Variants in MEGF10 observed in about 807,000 individuals in gnomAD.
The protein encoded by MEGF10 is multiple EGF like domains 10.
MEGF10 carries 86 observed loss-of-function variants against 147.5 expected under a neutral mutation model. The ratio of observed to expected loss-of-function variants is 0.58; its 90% confidence interval spans 0.49 to 0.70. The LOEUF is 0.70. Ranked by LOEUF, MEGF10 falls within the 30% of genes least tolerant of loss-of-function variation. The pLI, the probability that MEGF10 is intolerant of heterozygous loss-of-function variation, is 0.00. For synonymous variants in MEGF10, 478 were observed against 525.5 expected (o/e 0.91, Z 1.24); for missense variants, 1,329 against 1,487.3 (o/e 0.89, Z 1.75).
At chr5:127,443,293 G>C (rs1454328562) in intron 19 of MEGF10, among the ~76,000 whole-genome samples, 167 bp downstream of exon 19, 6 of 152,158 alleles carry the variant, frequency 3.9e-5, no homozygotes, top group African/African-American at 1.4e-4. Context: ...TATTGTTGCT[G>C]TCCTGCAGAT....
chr5:127,292,886 T>C (rs926828814), intron 1 of MEGF10, among the ~76,000 whole-genome samples: 4 of 127,302 alleles, frequency 3.1e-5, no homozygotes, highest in African/African-American at 1.0e-4. Flanking sequence ...TATGCATGAG[T>C]ATTGGCTTTA....
At chr5:127,280,970 T>C in the MEGF10 span, among the ~76,000 whole-genome samples, 1 of 152,106 alleles carries the variant, frequency 6.6e-6, no homozygotes, top group Non-Finnish European at 1.5e-5. Context: ...GGGCTTTGAA[T>C]TGGAACCTGG....
At chr5:127,308,940 T>C (rs72786459) in intron 1 of MEGF10, among the ~76,000 whole-genome samples, 8,276 of 151,998 alleles carry the variant, frequency 0.054, 253 homozygotes, top group Non-Finnish European at 0.068. Flanking sequence ...GTTAAATTGC[T>C]CTATTTTGGT....
chr5:127,349,892 C>G (rs1402860671), intron 4 of MEGF10, among the ~76,000 whole-genome samples: 1 of 152,058 alleles, frequency 6.6e-6, no homozygotes, highest in Non-Finnish European at 1.5e-5. Context: ...GTTGGCTACT[C>G]TGATTGATTA....
intron 7 of MEGF10, 137 bp downstream of exon 7, chr5:127,398,933 C>T: frequency 8.3e-7 from 1 of 1,210,002 alleles, no homozygotes; most frequent in Non-Finnish European, 1.2e-6. Flanking sequence ...TGGAAAGACT[C>T]AAGCCATTTT....
intron 1 of MEGF10, among the ~76,000 whole-genome samples, chr5:127,329,773 T>A (rs1233515091): frequency 6.6e-6 from 1 of 152,116 alleles, no homozygotes; most frequent in Non-Finnish European, 1.5e-5. Flanking sequence ...AAGAAATGGA[T>A]CAGTGATTTC....
chr5:127,435,641 CTTT>C, intron 16 of MEGF10, 152 bp downstream of exon 16: 4 of 681,700 alleles, frequency 5.9e-6, no homozygotes, highest in East Asian at 4.0e-5. Flanking sequence ...TTTTAAAATT[CTTT>C]TTTTTTTTCC....
chr5:127,362,295 A>G (rs1300386725), intron 4 of MEGF10, among the ~76,000 whole-genome samples: 5 of 148,728 alleles, frequency 3.4e-5, no homozygotes, highest in African/African-American at 1.2e-4. Flanking sequence ...ATATTAATAT[A>G]GCTACTCCAG....
intron 1 of MEGF10, among the ~76,000 whole-genome samples, chr5:127,320,632 A>ATT (rs3050850): frequency 0.33 from 50,191 of 152,138 alleles, 9,782 homozygotes; most frequent in Non-Finnish European, 0.45. Flanking sequence ...CTGCCCAAGC[A>ATT]TTTTCTCCTG....
chr5:127,250,008 T>C, the MEGF10 span, among the ~76,000 whole-genome samples: 1 of 152,140 alleles, frequency 6.6e-6, no homozygotes, highest in African/African-American at 2.4e-5. Context: ...GGAGCCCTCA[T>C]GGCCTAATTA....
At chr5:127,285,709 T>C in the MEGF10 span, among the ~76,000 whole-genome samples, 2 of 152,078 alleles carry the variant, frequency 1.3e-5, no homozygotes, top group Non-Finnish European at 2.9e-5. Context: ...ATAAAGCAAG[T>C]CTCAGCACAT....
intron 5 of MEGF10, among the ~76,000 whole-genome samples, chr5:127,391,096 GCGCGCGCACACACA>G (rs1220136603): frequency 3.4e-5 from 1 of 29,366 alleles, no homozygotes; most frequent in Admixed American, 3.8e-4. Flanking sequence ...ATGCGCGCGC[GCGCGCGCACACACA>G]CACACACACA....
At chr5:127,376,212 TAGAG>T (rs1763020431) in intron 5 of MEGF10, among the ~76,000 whole-genome samples, 3 of 152,132 alleles carry the variant, frequency 2.0e-5, no homozygotes, top group African/African-American at 7.2e-5. Context: ...AGCAAAGAAA[TAGAG>T]AGTTAGTAAG....
At position 127,422,743 on chromosome 5, in the gene MEGF10, G is replaced by C; in HGVS notation, c.1664G>C (p.Gly555Ala). 1 of 1,614,114 alleles carries C rather than the reference G, an allele frequency of 6.2e-7. No individual in the cohort carries two copies. Among genetic ancestry groups the C allele is most frequent in the Non-Finnish European group, 8.5e-7 (1 of 1,179,994 alleles). ...SHADGCHPTT[G>A]HCRCLPGWSG... The stretch of plus-strand genomic sequence containing the variant: ...GCAGATGGCTGCCACCCTACCACGG[G>C]CCATTGCCGCTGCCTCCCCGGATGG... The change falls in exon 13 of 25, where the codon GGC becomes GCC. Residue 555 changes from glycine (G) to alanine (A), a missense_variant. By Grantham distance (60) the Gly-to-Ala change is moderately conservative. Coordinates refer to ENST00000503335, the MANE Select transcript of MEGF10 (RefSeq NM_001256545.2).
chr5:127,319,364 C>A (rs1760704300), intron 1 of MEGF10, among the ~76,000 whole-genome samples: 1 of 152,210 alleles, frequency 6.6e-6, no homozygotes, highest in Non-Finnish European at 1.5e-5. Context: ...GCATGAGCCA[C>A]TGTGCCTGGC....
intron 4 of MEGF10, among the ~76,000 whole-genome samples, chr5:127,349,720 T>C (rs1209390627): frequency 6.6e-6 from 1 of 152,082 alleles, no homozygotes; most frequent in Non-Finnish European, 1.5e-5. Flanking sequence ...ACAATATTTT[T>C]TCTGAAGATT....
upstream of MEGF10, among the ~76,000 whole-genome samples, chr5:127,289,636 G>A (rs1252143540): frequency 3.3e-5 from 5 of 152,224 alleles, no homozygotes; most frequent in Non-Finnish European, 4.4e-5. Context: ...TTTCCAGGGA[G>A]AGTAAAGAGG....
At chr5:127,306,200 G>A (rs2126724793) in intron 1 of MEGF10, among the ~76,000 whole-genome samples, 2 of 152,274 alleles carry the variant, frequency 1.3e-5, no homozygotes, top group Middle Eastern at 6.8e-3. Flanking sequence ...GTGCCGTGTG[G>A]ATCCATTCAC....
At chr5:127,269,927 T>A in the MEGF10 span, among the ~76,000 whole-genome samples, 45 of 152,320 alleles carry the variant, frequency 3.0e-4, no homozygotes, top group African/African-American at 1.1e-3. Flanking sequence ...GGGCCAATAG[T>A]CAACATTCTT....
Sources: allele counts gnomAD v4.1 joint callset (sites outside exome capture counted in the v4.1 genomes callset), GRCh38; gene constraint gnomAD v4.1.1; transcripts MANE v1.5; gene names NCBI Gene and HGNC (gene_info 2026-07-23, HGNC 2026-07-21).